Variants in CDIN1 observed in about 807,000 individuals in gnomAD.
CDIN1 encodes CDAN1-interacting nuclease 1.
Under a neutral mutation model 45.3 loss-of-function variants are expected in CDIN1, and 33 were observed. The ratio of observed to expected loss-of-function variants is 0.73; its 90% CI spans 0.55 to 0.97. The LOEUF is 0.97. CDIN1 is among the 50% of genes least tolerant of loss of function. CDIN1 has a pLI of 0.00. For synonymous variants in CDIN1, 118 were observed against 124.4 expected (o/e 0.95, Z 0.34); for missense variants, 303 against 339.4 (o/e 0.89, Z 0.84).
At chr15:36,790,849 AAAC>A (rs897325092) in intron 10 of CDIN1, among the ~76,000 whole-genome samples, 39 of 152,304 alleles carry the variant, frequency 2.6e-4, no homozygotes, top group African/African-American at 8.2e-4. Context: ...TCTTGTTTTA[AAAC>A]AACAACAACT....
At chr15:36,621,650 T>A (rs2039197371) in intron 1 of CDIN1, among the ~76,000 whole-genome samples, 1 of 152,202 alleles carries the variant, frequency 6.6e-6, no homozygotes, top group African/African-American at 2.4e-5. Flanking sequence ...ATAATGCAGT[T>A]GGTGGAAATG....
At chr15:36,714,451 A>G (rs2043155411) in intron 10 of CDIN1, among the ~76,000 whole-genome samples, 1 of 152,160 alleles carries the variant, frequency 6.6e-6, no homozygotes. Context: ...CTGGGCCTGG[A>G]GCAAGAGTAC....
At chr15:36,778,827 A>G (rs1280837572) in intron 10 of CDIN1, among the ~76,000 whole-genome samples, 4 of 152,254 alleles carry the variant, frequency 2.6e-5, no homozygotes, top group African/African-American at 9.6e-5. Context: ...ACCAATAAAA[A>G]TATAAAATGC....
In CDIN1 at chr15:36,683,122, A is replaced by G. The variant is rs2041915129; in HGVS notation, c.347-8563A>G. Among the ~76,000 whole-genome samples the G allele has an allele frequency of 1.3e-5, 2 of 152,240 alleles. 1 individual carries two copies. The highest frequency in any genetic ancestry group is 4.1e-4 in the South Asian group (2 of 4,836). On this transcript the variant is annotated intron_variant, in intron 5 of 10. Coordinates refer to ENST00000566621, the MANE Select transcript of CDIN1 (RefSeq NM_001321759.2). ...GATTATATATTGTTTAAGTTTAAAC[A>G]TTCTTTGAGAGAACTACTAAAGAAA...
At chr15:36,795,691 A>ATTTATT (rs2054776486) in intron 10 of CDIN1, among the ~76,000 whole-genome samples, 1 of 151,344 alleles carries the variant, frequency 6.6e-6, no homozygotes, top group East Asian at 1.9e-4. Flanking sequence ...TCTTGTTTTT[A>ATTTATT]TTTATTTTTA....
chr15:36,614,226 G>GCTC (rs1309611181), intron 1 of CDIN1: 4 of 627,416 alleles, frequency 6.4e-6, no homozygotes, highest in African/African-American at 1.8e-5. Flanking sequence ...CCCTGCTGCT[G>GCTC]CTCCTCCCTC....
At chr15:36,709,202 T>C (rs762909768) in intron 8 of CDIN1, 21 bp from the exon 9 acceptor site, 1 of 1,578,580 alleles carries the variant, frequency 6.3e-7, no homozygotes, top group Non-Finnish European at 8.6e-7. Context: ...TTTAAGTAAA[T>C]AGTGTTTGTT....
At chr15:36,690,581 T>G (rs1445631882) in intron 5 of CDIN1, among the ~76,000 whole-genome samples, 2 of 152,158 alleles carry the variant, frequency 1.3e-5, no homozygotes, top group African/African-American at 4.8e-5. Context: ...AACATTTATC[T>G]TATGTATCAG....
intron 10 of CDIN1, chr15:36,798,568 T>G (rs2054898740): frequency 6.6e-6 from 1 of 152,214 alleles, no homozygotes; most frequent in Non-Finnish European, 1.5e-5. Flanking sequence ...TCAGCCCTAA[T>G]CCTTCAGTTA....
At chr15:36,767,234 T>C (rs1369741107) in intron 10 of CDIN1, among the ~76,000 whole-genome samples, 1 of 152,190 alleles carries the variant, frequency 6.6e-6, no homozygotes, top group Non-Finnish European at 1.5e-5. Context: ...TGGGAAAGTT[T>C]CCTTCCAAAT....
chr15:36,649,204 G>A (rs1341881110), intron 3 of CDIN1, among the ~76,000 whole-genome samples: 2 of 152,170 alleles, frequency 1.3e-5, no homozygotes, highest in Non-Finnish European at 2.9e-5. Context: ...CAAACTTACA[G>A]CATTGCAGTT....
chr15:36,587,093 A>T (rs1227792561), intron 1 of CDIN1, among the ~76,000 whole-genome samples: 2 of 152,258 alleles, frequency 1.3e-5, no homozygotes, highest in South Asian at 4.1e-4. Flanking sequence ...TCGTGATACC[A>T]TAAATCGCTA....
At chr15:36,771,927 C>CA (rs373077953) in intron 10 of CDIN1, among the ~76,000 whole-genome samples, 102,439 of 126,406 alleles carry the variant, frequency 0.81, 42,212 homozygotes, top group East Asian at 0.94. Context: ...GACTCAGTCT[C>CA]AAAAAAAAAA....
At chr15:36,799,659 A>T (rs1295276733) in intron 10 of CDIN1, 1 of 152,202 alleles carries the variant, frequency 6.6e-6, no homozygotes, top group Non-Finnish European at 1.5e-5. Context: ...CAAGTGATAT[A>T]GTTTACTCTG....
Position 36,581,508 on chromosome 15 carries a change from T to A in CDIN1, c.101+1547T>A, listed in dbSNP as rs1198709370. On this transcript the variant is annotated intron_variant, in intron 1 of 10. Coordinates refer to ENST00000566621, the MANE Select transcript of CDIN1 (RefSeq NM_001321759.2). The stretch of plus-strand genomic sequence containing the variant: ...CTTCTCCCAAATGCCATACAGGGAA[T>A]AAATAACAACTCTCCTTCCACAGGA... Among the ~76,000 whole-genome samples, 8 of 152,222 alleles carry A rather than the reference T, an allele frequency of 5.3e-5. No individual in the cohort carries two copies. In the East Asian group the frequency reaches 1.5e-3, roughly 29 times the overall value.
chr15:36,747,301 A>G (rs1279297489), intron 10 of CDIN1: 1 of 274,484 alleles, frequency 3.6e-6, no homozygotes, highest in Non-Finnish European at 6.7e-6. Context: ...ATTCCCAAGT[A>G]AATTTATTTT....
intron 10 of CDIN1, among the ~76,000 whole-genome samples, chr15:36,770,553 A>G (rs2054048905): frequency 6.6e-6 from 1 of 151,928 alleles, no homozygotes. Flanking sequence ...AGTTCAAGCA[A>G]TCCCCCCACC....
chr15:36,588,981 A>T (rs1000751066), intron 1 of CDIN1, among the ~76,000 whole-genome samples: 3 of 152,184 alleles, frequency 2.0e-5, no homozygotes, highest in Non-Finnish European at 4.4e-5. Context: ...TATTGGCTTT[A>T]TTTAAAAAAT....
chr15:36,743,850 C>T (rs1238484541), intron 10 of CDIN1, among the ~76,000 whole-genome samples: 1 of 151,928 alleles, frequency 6.6e-6, no homozygotes, highest in African/African-American at 2.4e-5. Flanking sequence ...GATCATGCCA[C>T]TGCACTCCAG....
Sources: allele counts gnomAD v4.1 joint callset (sites outside exome capture counted in the v4.1 genomes callset), GRCh38; gene constraint gnomAD v4.1.1; transcripts MANE v1.5; gene names NCBI Gene and HGNC (gene_info 2026-07-23, HGNC 2026-07-21).